Variants in CPED1 observed in about 807,000 individuals in gnomAD.
The protein encoded by CPED1 is cadherin-like and PC-esterase domain-containing protein 1.
A neutral mutation model predicts 128.2 loss-of-function variants in CPED1; 114 were observed. The ratio of observed to expected loss-of-function variants is 0.89; its 90% CI spans 0.76 to 1.04. The LOEUF (loss-of-function observed/expected upper bound fraction) is 1.04, where lower values mean the gene tolerates loss of function less well. Ranked by LOEUF, CPED1 falls within the 50% of genes least tolerant of loss-of-function variation. The pLI is 0.00. For missense variants in CPED1, 1,211 were observed against 1,207.1 expected, an observed-to-expected ratio of 1.00 and a Z score of -0.05; for synonymous variants, 462 against 426.7, an observed-to-expected ratio of 1.08 and a Z score of -1.02.
chr7:121,225,728 T>C (rs1158170659), intron 16 of CPED1, among the ~76,000 whole-genome samples: 1 of 152,190 alleles, frequency 6.6e-6, no homozygotes. Context: ...TTCATTCATT[T>C]GATCTTCAAT....
At chr7:121,045,785 T>C (rs1793179441) in intron 3 of CPED1, among the ~76,000 whole-genome samples, 1 of 152,202 alleles carries the variant, frequency 6.6e-6, no homozygotes, top group African/African-American at 2.4e-5. Context: ...GACTATTTCC[T>C]AAGTAATACC....
At chr7:121,139,585 G>T (rs1444848908) in intron 14 of CPED1, among the ~76,000 whole-genome samples, 1 of 151,986 alleles carries the variant, frequency 6.6e-6, no homozygotes, top group East Asian at 1.9e-4. Context: ...GGCAAAATGG[G>T]CAATGCAGCT....
chr7:121,111,064 C>A (rs539979774), intron 7 of CPED1, among the ~76,000 whole-genome samples: 1 of 152,158 alleles, frequency 6.6e-6, no homozygotes, highest in Non-Finnish European at 1.5e-5. Context: ...GGGGAGCAAC[C>A]AGTCAGGAGG....
At chr7:121,242,746 A>G (rs1162480955) in intron 17 of CPED1, among the ~76,000 whole-genome samples, 8 of 152,046 alleles carry the variant, frequency 5.3e-5, no homozygotes, top group Admixed American at 5.2e-4. Flanking sequence ...TTGACATTGT[A>G]CCCCTCAAAG....
At chr7:121,240,250 A>C (rs1156434423) in intron 17 of CPED1, among the ~76,000 whole-genome samples, 2 of 152,144 alleles carry the variant, frequency 1.3e-5, no homozygotes, top group Non-Finnish European at 2.9e-5. Flanking sequence ...TTGTTTCTTC[A>C]TCCTTGGCAG....
At chr7:121,106,670 C>CAGATGG (rs1794981626) in intron 7 of CPED1, among the ~76,000 whole-genome samples, 1 of 152,044 alleles carries the variant, frequency 6.6e-6, no homozygotes, top group Non-Finnish European at 1.5e-5. Flanking sequence ...TCACAGCCTG[C>CAGATGG]TTCTCCCTGG....
chr7:121,115,250 G>C (rs1186299487), intron 7 of CPED1, among the ~76,000 whole-genome samples: 3 of 152,114 alleles, frequency 2.0e-5, no homozygotes, highest in African/African-American at 7.2e-5. Context: ...GCATAATTAA[G>C]CATAATTGAA....
In CPED1 at chr7:121,296,684, TAATTA is replaced by T. The variant is rs1259941307; in HGVS notation, c.*1035_*1039del. On this transcript the variant is annotated 3_prime_UTR_variant, in exon 23 of 23. Transcript: ENST00000310396. ...TAGATTAGACAAAAAATTATTATTT[TAATTA>T]AACTGTGGCATACATATAATACATA... The T allele has an allele frequency of 6.6e-6, 1 of 152,120 alleles. No homozygotes were observed. Among genetic ancestry groups the T allele is most frequent in the Non-Finnish European group, 1.5e-5 (1 of 67,960 alleles). 9.4% of individuals were successfully genotyped at this position (152,120 alleles called of 1,614,324 possible). A position where few individuals can be genotyped will look rare whatever the true frequency, so the allele number is the denominator to read the frequency against.
In CPED1 at chr7:121,100,094, G is replaced by C; in HGVS notation, c.918G>C (p.Lys306Asn). Residue 306 changes from lysine to asparagine, a missense_variant and splice_region_variant, in exon 7 of 23, where the codon AAG becomes AAC. Physicochemically the swap from Lys to Asn is moderately conservative, Grantham distance 94. Transcript: ENST00000310396. ...CAAAGAAAAAACGCTTCACTGTCAA[G>C]GTAAGCTCTCGGTTGAAGCTATTAT... Reference protein sequence around the residue: ...NPPKKKRFTVKLQTFFETFLR... With the variant: ...NPPKKKRFTVNLQTFFETFLR... 1.2e-6 allele frequency: 2 copies of C among 1,613,000 alleles called. No homozygotes were observed. Among genetic ancestry groups the C allele is most frequent in the Non-Finnish European group, 8.5e-7 (1 of 1,179,460 alleles).
At chr7:121,013,963 A>G (rs887603394) in intron 2 of CPED1, among the ~76,000 whole-genome samples, 2 of 152,262 alleles carry the variant, frequency 1.3e-5, no homozygotes, top group South Asian at 2.1e-4. Context: ...TGAACAATGC[A>G]GGCCTGGCTG....
chr7:121,225,530 G>T (rs143017628), intron 16 of CPED1, among the ~76,000 whole-genome samples: 1,990 of 152,154 alleles, frequency 0.013, 20 homozygotes, highest in Non-Finnish European at 0.018. Context: ...GGCCTGCCTT[G>T]CTAGGTTGGG....
chr7:121,017,574 G>A (rs888506950), intron 3 of CPED1, among the ~76,000 whole-genome samples: 1 of 152,174 alleles, frequency 6.6e-6, no homozygotes, highest in African/African-American at 2.4e-5. Flanking sequence ...GAATGGCCCT[G>A]ATAACATGCT....
chr7:121,108,902 AAAC>A (rs999914222), intron 7 of CPED1, among the ~76,000 whole-genome samples: 18 of 152,108 alleles, frequency 1.2e-4, no homozygotes, highest in South Asian at 4.1e-4. Context: ...TTCCTTGGAA[AAAC>A]AACAACAACA....
intron 5 of CPED1, among the ~76,000 whole-genome samples, chr7:121,088,124 CATTT>C (rs1794480237): frequency 1.3e-5 from 2 of 152,112 alleles, no homozygotes; most frequent in African/African-American, 4.8e-5. Context: ...TATTCTTAGG[CATTT>C]ATTTAGCAGT....
chr7:121,184,096 G>A (rs531322795), intron 16 of CPED1, among the ~76,000 whole-genome samples: 7 of 151,516 alleles, frequency 4.6e-5, no homozygotes, highest in Admixed American at 6.6e-5. Flanking sequence ...GCCAATATTC[G>A]CGCCACTGCA....
At chr7:121,199,163 A>C (rs1797332157) in intron 16 of CPED1, among the ~76,000 whole-genome samples, 2 of 152,110 alleles carry the variant, frequency 1.3e-5, no homozygotes, top group African/African-American at 4.8e-5. Context: ...TTAGATCATC[A>C]GTAGAAGCAC....
At chr7:121,213,248 C>T (rs566675508) in intron 16 of CPED1, among the ~76,000 whole-genome samples, 1 of 151,894 alleles carries the variant, frequency 6.6e-6, no homozygotes, top group African/African-American at 2.4e-5. Context: ...TGGTTCAAAC[C>T]CTATTTGTTC....
At position 121,052,485 on chromosome 7, in the gene CPED1, A is replaced by C. The variant is rs1343665057; in HGVS notation, c.540+5492A>C. Among the ~76,000 whole-genome samples the C allele has an allele frequency of 2.6e-5, 4 of 152,044 alleles. No individual in the cohort carries two copies. The East Asian group carries it at 7.7e-4, about 29-fold the overall frequency. ...ACGTTATTTAATCTCTGTAGCCTTCACCATCTTTTCCTGAAATAAGAAGGC... is the reference window on the plus strand; with the variant it reads ...ACGTTATTTAATCTCTGTAGCCTTCCCCATCTTTTCCTGAAATAAGAAGGC... On this transcript the variant is annotated intron_variant, in intron 4 of 22. Transcript: ENST00000310396.
chr7:121,143,869 G>T (rs9690961), intron 16 of CPED1, among the ~76,000 whole-genome samples: 3 of 151,698 alleles, frequency 2.0e-5, no homozygotes, highest in South Asian at 4.2e-4. Context: ...CAAAATCTTC[G>T]TATTGGTTTT....
Sources: gnomAD v4.1 joint callset for allele counts (sites outside exome capture counted in the v4.1 genomes callset) on GRCh38, gnomAD v4.1.1 for gene constraint, MANE v1.5 for transcripts, NCBI Gene and HGNC (gene_info 2026-07-23, HGNC 2026-07-21) for gene names.